PTPRT: variants seen among roughly 807,000 people sequenced by gnomAD.
PTPRT encodes the protein receptor-type tyrosine-protein phosphatase T.
A neutral mutation model predicts 176.8 loss-of-function variants in PTPRT; 56 were observed. That is an observed-to-expected ratio of 0.32 (90% CI 0.26 to 0.40). The LOEUF is 0.40. Ranked by LOEUF, PTPRT falls within the 10% of genes least tolerant of loss-of-function variation. The pLI is 1.00. For synonymous variants in PTPRT, 783 were observed against 739.0 expected, an observed-to-expected ratio of 1.06 and a Z score of -0.96; for missense variants, 1,540 against 1,908.2, an observed-to-expected ratio of 0.81 and a Z score of 3.60.
chr20:42,312,687 G>A (rs2057652737), intron 12 of PTPRT, among the ~76,000 whole-genome samples: 1 of 151,866 alleles, frequency 6.6e-6, no homozygotes. Context: ...TAGTTACAAA[G>A]CAAGAGTACA....
Position 42,079,531 on chromosome 20 carries a change from A to G in PTPRT, c.*1348T>C, listed in dbSNP as rs1029215071. The G allele has an allele frequency of 3.1e-5, 7 of 222,422 alleles. No homozygotes were observed. Among genetic ancestry groups the G allele is most frequent in the Non-Finnish European group, 4.5e-5 (5 of 111,232 alleles). 13.8% of individuals were successfully genotyped at this position (222,422 alleles called of 1,614,324 possible). A position where few individuals can be genotyped will look rare whatever the true frequency, so the allele number is the denominator to read the frequency against. On this transcript the variant is annotated 3_prime_UTR_variant, in exon 31 of 31. Coordinates refer to ENST00000373187, the MANE Select transcript of PTPRT (RefSeq NM_007050.6). ...TTCTAAGGACTGTGTGAAATGTCCT[A>G]TGGAAAGTGCCAAGCATGATCCCTG...
At chr20:42,177,322 A>C (rs1211419688) in intron 16 of PTPRT, among the ~76,000 whole-genome samples, 1 of 152,234 alleles carries the variant, frequency 6.6e-6, no homozygotes, top group Non-Finnish European at 1.5e-5. Flanking sequence ...GTGTTCTTTA[A>C]AGGTCCTGGA....
intron 3 of PTPRT, among the ~76,000 whole-genome samples, chr20:42,783,857 G>C (rs754286651): frequency 1.3e-5 from 2 of 152,140 alleles, no homozygotes; most frequent in African/African-American, 4.8e-5. Context: ...GTCTTCAGGA[G>C]GCAGGGGAGT....
chr20:43,170,268 C>G (rs994885323), intron 1 of PTPRT, among the ~76,000 whole-genome samples: 1 of 152,074 alleles, frequency 6.6e-6, no homozygotes, highest in Non-Finnish European at 1.5e-5. Context: ...ATATATGTTA[C>G]TTCATGTTAT....
Position 42,271,018 on chromosome 20 carries a change from G to A in PTPRT, c.2176+11471C>T, listed in dbSNP as rs79317114. ...ACATGGATTATTTAAGCAGCCTGTC[G>A]TCTGGTCTCTCTGCCTCCAGTCTTG... On this transcript the variant is annotated intron_variant, in intron 13 of 30. Transcript: ENST00000373187. Among the ~76,000 whole-genome samples the A allele has an allele frequency of 3.5e-3, 527 of 152,252 alleles. 8 individuals carry two copies. The East Asian group carries it at 0.037, about 11-fold the overall frequency.
chr20:42,312,140 A>G (rs1009489622), intron 12 of PTPRT, among the ~76,000 whole-genome samples: 1 of 152,200 alleles, frequency 6.6e-6, no homozygotes, highest in African/African-American at 2.4e-5. Flanking sequence ...AATTAGTTTT[A>G]TGCTCACTGT....
At chr20:42,853,423 A>G (rs2078509361) in intron 2 of PTPRT, among the ~76,000 whole-genome samples, 1 of 152,162 alleles carries the variant, frequency 6.6e-6, no homozygotes. Context: ...GAACTAGAAG[A>G]GGTGATGGCT....
intron 1 of PTPRT, among the ~76,000 whole-genome samples, chr20:42,944,996 T>A (rs1323342742): frequency 6.6e-6 from 1 of 151,422 alleles, no homozygotes; most frequent in Non-Finnish European, 1.5e-5. Context: ...AAATGAATAT[T>A]CACCAGTGTC....
intron 1 of PTPRT, among the ~76,000 whole-genome samples, chr20:43,058,367 G>C (rs569239443): frequency 6.6e-6 from 1 of 151,840 alleles, no homozygotes; most frequent in East Asian, 1.9e-4. Context: ...TGAAGAGAGA[G>C]AGGGAAGGAG....
intron 6 of PTPRT, among the ~76,000 whole-genome samples, chr20:42,712,177 G>A (rs938838829): frequency 1.1e-4 from 17 of 151,984 alleles, no homozygotes; most frequent in African/African-American, 4.1e-4. Context: ...GAATGACATT[G>A]TTCTTCTCTC....
chr20:42,036,319 T>C, the PTPRT span, among the ~76,000 whole-genome samples: 2 of 152,232 alleles, frequency 1.3e-5, no homozygotes, highest in Non-Finnish European at 2.9e-5. Flanking sequence ...GCAAGGTCTT[T>C]AGTAAAATGT....
chr20:42,391,137 G>T (rs369220453), intron 9 of PTPRT, among the ~76,000 whole-genome samples: 1 of 152,120 alleles, frequency 6.6e-6, no homozygotes, highest in East Asian at 1.9e-4. Context: ...AGGGAGGAGC[G>T]TGGCTAGGAA....
chr20:42,979,507 T>C, intron 1 of PTPRT, among the ~76,000 whole-genome samples: 1 of 152,214 alleles, frequency 6.6e-6, no homozygotes, highest in East Asian at 1.9e-4. Context: ...TTCTTTCTAC[T>C]GCACGCTGTG....
At chr20:42,275,076 C>T (rs1157275557) in intron 13 of PTPRT, among the ~76,000 whole-genome samples, 9 of 152,160 alleles carry the variant, frequency 5.9e-5, no homozygotes, top group Non-Finnish European at 8.8e-5. Context: ...TAAGTAATAA[C>T]GATGACCACT....
intron 1 of PTPRT, among the ~76,000 whole-genome samples, chr20:43,122,782 A>G (rs1427684990): frequency 2.0e-5 from 3 of 152,236 alleles, no homozygotes; most frequent in Non-Finnish European, 2.9e-5. Context: ...TACAGCCTGT[A>G]TAACTGTGAG....
chr20:42,663,280 TG>T (rs2075257831), intron 7 of PTPRT, among the ~76,000 whole-genome samples: 1 of 152,050 alleles, frequency 6.6e-6, no homozygotes, highest in Non-Finnish European at 1.5e-5. Flanking sequence ...GCTGCACCTG[TG>T]GGCAATTTGG....
chr20:42,545,948 T>C (rs1480380803), intron 7 of PTPRT, among the ~76,000 whole-genome samples: 1 of 152,204 alleles, frequency 6.6e-6, no homozygotes, highest in Non-Finnish European at 1.5e-5. Flanking sequence ...GTATATGTGT[T>C]TTTTTCTATA....
At chr20:43,045,480 G>A (rs1857977478) in intron 1 of PTPRT, among the ~76,000 whole-genome samples, 1 of 125,902 alleles carries the variant, frequency 7.9e-6, no homozygotes, top group South Asian at 2.3e-4. Flanking sequence ...TTGAGTCACA[G>A]TCTCGCTCTG....
intron 24 of PTPRT, among the ~76,000 whole-genome samples, chr20:42,105,389 T>A (rs1986345246): frequency 6.6e-6 from 1 of 152,176 alleles, no homozygotes; most frequent in Admixed American, 6.5e-5. Context: ...ACGTGTCATA[T>A]CTTCTCCTAT....
Sources: allele counts gnomAD v4.1 joint callset (sites outside exome capture counted in the v4.1 genomes callset), GRCh38; gene constraint gnomAD v4.1.1; transcripts MANE v1.5; gene names NCBI Gene and HGNC (gene_info 2026-07-23, HGNC 2026-07-21).